The following SLC14A2 variants were observed in gnomAD, a reference collection of about 807,000 sequenced individuals.
The protein encoded by SLC14A2 is urea transporter 2.
SLC14A2 carries 91 observed loss-of-function variants against 104.6 expected under a neutral mutation model. The observed-to-expected ratio is 0.87, with a 90% CI of 0.73 to 1.04. SLC14A2 has a LOEUF of 1.04. Ranked by LOEUF, SLC14A2 falls within the 50% of genes least tolerant of loss-of-function variation. The pLI is 0.00. For missense variants in SLC14A2, 1,189 were observed against 1,156.0 expected (o/e 1.03, Z -0.41); for synonymous variants, 476 against 466.4 (o/e 1.02, Z -0.27).
intron 1 of SLC14A2, among the ~76,000 whole-genome samples, chr18:45,267,691 C>A (rs1376849000): frequency 6.6e-6 from 1 of 152,086 alleles, no homozygotes; most frequent in Non-Finnish European, 1.5e-5. Flanking sequence ...CCCTTACTTG[C>A]CATTTATGTA....
At chr18:45,460,361 T>C (rs1418271468) in intron 1 of SLC14A2, among the ~76,000 whole-genome samples, 1 of 152,144 alleles carries the variant, frequency 6.6e-6, no homozygotes, top group African/African-American at 2.4e-5. Context: ...AGTCTTCCTA[T>C]TCAGGTGCTA....
In SLC14A2 at chr18:45,624,614, C is replaced by T. The variant is rs745432176; in HGVS notation, c.-34-17C>T. 1 of 1,566,944 alleles carries T rather than the reference C, an allele frequency of 6.4e-7. No homozygotes were observed. Among genetic ancestry groups the T allele is most frequent in the Non-Finnish European group, 8.7e-7 (1 of 1,153,304 alleles). ...CCCGTCCTGACTCACTAGCTCTTTC[C>T]CTTTCCTTCCGTCTAGTCCATCGAT... On this transcript the variant is annotated splice_polypyrimidine_tract_variant and intron_variant, in intron 1 of 19. Transcript: ENST00000255226.
chr18:45,246,748 C>T (rs1463787144), intron 1 of SLC14A2, among the ~76,000 whole-genome samples: 5 of 152,156 alleles, frequency 3.3e-5, no homozygotes, highest in South Asian at 2.1e-4. Context: ...CGGTGGCTCA[C>T]GCCTATAATC....
At chr18:45,369,271 A>G (rs542364025) in intron 1 of SLC14A2, among the ~76,000 whole-genome samples, 1 of 152,322 alleles carries the variant, frequency 6.6e-6, no homozygotes, top group Admixed American at 6.5e-5. Flanking sequence ...TTCTTTTCCC[A>G]TATCTTTCTA....
chr18:45,178,101 T>G, the SLC14A2 span, among the ~76,000 whole-genome samples: 1 of 151,934 alleles, frequency 6.6e-6, no homozygotes, highest in East Asian at 1.9e-4. Context: ...TCAGGGGTAA[T>G]CAGAAGATTG....
At chr18:45,186,781 G>A in the SLC14A2 span, among the ~76,000 whole-genome samples, 31 of 152,190 alleles carry the variant, frequency 2.0e-4, no homozygotes, top group African/African-American at 7.0e-4. Flanking sequence ...GTTGAAGACT[G>A]GGTGTAACCT....
intron 1 of SLC14A2, among the ~76,000 whole-genome samples, chr18:45,372,573 C>A (rs748832212): frequency 1.3e-5 from 2 of 152,092 alleles, no homozygotes; most frequent in Non-Finnish European, 2.9e-5. Context: ...CTGGTAGAGG[C>A]GAAGTCTTCT....
At chr18:45,195,692 G>A in the SLC14A2 span, among the ~76,000 whole-genome samples, 1 of 152,090 alleles carries the variant, frequency 6.6e-6, no homozygotes, top group Non-Finnish European at 1.5e-5. Flanking sequence ...GCCTGGCTGG[G>A]AGCAAGAAAT....
intron 2 of SLC14A2, among the ~76,000 whole-genome samples, chr18:45,511,437 C>T (rs930447530): frequency 4.6e-5 from 7 of 152,160 alleles, no homozygotes; most frequent in Non-Finnish European, 8.8e-5. Flanking sequence ...TCCCCTAAGT[C>T]GACTCTTACT....
At chr18:45,500,432 C>T (rs1013460441) in intron 2 of SLC14A2, among the ~76,000 whole-genome samples, 5 of 152,068 alleles carry the variant, frequency 3.3e-5, no homozygotes, top group Admixed American at 6.6e-5. Context: ...AAAAAATTAG[C>T]GGGGCGTGGT....
chr18:45,679,582 G>A (rs1234759157), intron 19 of SLC14A2, among the ~76,000 whole-genome samples: 1 of 152,196 alleles, frequency 6.6e-6, no homozygotes, highest in African/African-American at 2.4e-5. Flanking sequence ...CAGTGCAGAG[G>A]GCTCAGGGCT....
At chr18:45,657,225 A>G (rs1341510693) in intron 10 of SLC14A2, among the ~76,000 whole-genome samples, 7 of 152,136 alleles carry the variant, frequency 4.6e-5, no homozygotes, top group Non-Finnish European at 1.0e-4. Flanking sequence ...TAATCCCAAC[A>G]CTTTGGGAGG....
chr18:45,521,950 T>C (rs2043522871), intron 2 of SLC14A2, among the ~76,000 whole-genome samples: 1 of 152,184 alleles, frequency 6.6e-6, no homozygotes, highest in Non-Finnish European at 1.5e-5. Context: ...ATCGTTACTC[T>C]TTGAGCTATG....
At position 45,643,133 on chromosome 18, in the gene SLC14A2, CCTGTT is replaced by C. The variant is rs1464082378; in HGVS notation, c.1133_1137del (p.Phe378CysfsTer65). ...CTGGTGATCCTTGTTCCTCCACAGC[CCTGTT>C]CTGTGCATACATGGAAGCAGCCATC... On this transcript the variant is annotated frameshift_variant and splice_region_variant, in exon 9 of 20. Transcript: ENST00000255226. LOFTEE classifies it high-confidence loss of function. 1 of 1,613,950 alleles carries C rather than the reference CCTGTT, an allele frequency of 6.2e-7. No individual in the cohort carries two copies. The highest frequency in any genetic ancestry group is 8.5e-7 in the Non-Finnish European group (1 of 1,179,962).
chr18:45,293,556 G>A (rs767233648), intron 1 of SLC14A2, among the ~76,000 whole-genome samples: 1 of 151,252 alleles, frequency 6.6e-6, no homozygotes, highest in African/African-American at 2.4e-5. Context: ...AGGAGAAGAG[G>A]GGGCAGTGAG....
Position 45,627,277 on chromosome 18 carries a change from T to C in SLC14A2, c.521+130T>C, listed in dbSNP as rs150954604. The C allele has an allele frequency of 3.1e-4, 217 of 710,764 alleles. 1 individual carries two copies. The East Asian group carries it at 5.2e-3, about 17-fold the overall frequency. 44.0% of individuals were successfully genotyped at this position (710,764 alleles called of 1,614,324 possible). On this transcript the variant is annotated intron_variant, in intron 4 of 19. Transcript: ENST00000255226. ...CTCCTGAGTATCAACTTTAAGCAGGTCACTGACAGTCCTTGCAGAATTACA... is the reference window on the plus strand; with the variant it reads ...CTCCTGAGTATCAACTTTAAGCAGGCCACTGACAGTCCTTGCAGAATTACA...
intron 1 of SLC14A2, among the ~76,000 whole-genome samples, chr18:45,247,887 A>G (rs1412970953): frequency 6.6e-6 from 1 of 152,110 alleles, no homozygotes; most frequent in Non-Finnish European, 1.5e-5. Context: ...AGAAGCATTG[A>G]TGAGAGAGGA....
At chr18:45,460,780 A>G (rs1332649488) in intron 1 of SLC14A2, among the ~76,000 whole-genome samples, 3 of 152,160 alleles carry the variant, frequency 2.0e-5, no homozygotes, top group Middle Eastern at 3.4e-3. Flanking sequence ...GTGGCAGAAA[A>G]TATTCACCCT....
At chr18:45,561,891 T>G (rs1599007403) in intron 2 of SLC14A2, among the ~76,000 whole-genome samples, 4 of 148,956 alleles carry the variant, frequency 2.7e-5, no homozygotes, top group Admixed American at 6.9e-5. Flanking sequence ...TCTATATAGA[T>G]TGATGATTTG....
Sources: allele counts gnomAD v4.1 joint callset (sites outside exome capture counted in the v4.1 genomes callset), GRCh38; gene constraint gnomAD v4.1.1; transcripts MANE v1.5; gene names NCBI Gene and HGNC (gene_info 2026-07-23, HGNC 2026-07-21).